HSPBAP1: variants seen among roughly 807,000 people sequenced by gnomAD.
HSPBAP1 encodes HSPB1-associated protein 1.
Under a neutral mutation model 45.2 loss-of-function variants are expected in HSPBAP1, and 27 were observed. The observed-to-expected ratio is 0.60, with a 90% CI of 0.44 to 0.82. The LOEUF (loss-of-function observed/expected upper bound fraction) is 0.82. Ranked by LOEUF, HSPBAP1 falls within the 40% of genes least tolerant of loss-of-function variation. The pLI is 0.00. For synonymous variants in HSPBAP1, 204 were observed against 202.7 expected (o/e 1.01, Z -0.06); for missense variants, 510 against 590.9 (o/e 0.86, Z 1.42).
intron 6 of HSPBAP1, among the ~76,000 whole-genome samples, chr3:122,744,476 A>C (rs1347779717): frequency 6.6e-6 from 1 of 152,268 alleles, no homozygotes; most frequent in African/African-American, 2.4e-5. Context: ...TAAAAGCAAC[A>C]TATGACAGAG....
intron 1 of HSPBAP1, among the ~76,000 whole-genome samples, chr3:122,783,916 C>T (rs1030718786): frequency 1.3e-5 from 2 of 152,026 alleles, no homozygotes; most frequent in African/African-American, 2.4e-5. Flanking sequence ...CTGCAAGCTC[C>T]GCCTCCCGGG....
intron 2 of HSPBAP1, among the ~76,000 whole-genome samples, chr3:122,773,303 GTTTTTTT>G (rs36065763): frequency 1.2e-5 from 1 of 84,424 alleles, no homozygotes; most frequent in African/African-American, 4.7e-5. Flanking sequence ...AAATAAATGT[GTTTTTTT>G]TTTTTTTTTT....
At chr3:122,747,771 C>G (rs1251895651) in intron 6 of HSPBAP1, among the ~76,000 whole-genome samples, 1 of 150,932 alleles carries the variant, frequency 6.6e-6, no homozygotes, top group South Asian at 2.1e-4. Context: ...GGGGTCAGCC[C>G]CCCGCCCGGC....
intron 2 of HSPBAP1, among the ~76,000 whole-genome samples, chr3:122,774,509 T>G (rs1172114845): frequency 6.6e-6 from 1 of 152,322 alleles, no homozygotes; most frequent in South Asian, 2.1e-4. Context: ...TGCTGGGCCT[T>G]CCACACCACA....
chr3:122,746,347 T>TA (rs1231009700), intron 6 of HSPBAP1, among the ~76,000 whole-genome samples: 1 of 147,948 alleles, frequency 6.8e-6, no homozygotes, highest in Non-Finnish European at 1.5e-5. Context: ...AAGAACACAT[T>TA]AAAAAAACAG....
intron 1 of HSPBAP1, among the ~76,000 whole-genome samples, chr3:122,789,158 A>G (rs950406078): frequency 3.3e-5 from 5 of 152,222 alleles, no homozygotes; most frequent in Admixed American, 3.3e-4. Flanking sequence ...CATGGTGAGT[A>G]CGGGTCTCCA....
intron 6 of HSPBAP1, among the ~76,000 whole-genome samples, chr3:122,747,345 G>A (rs1330379262): frequency 6.7e-6 from 1 of 150,124 alleles, no homozygotes; most frequent in African/African-American, 2.5e-5. Context: ...CTGCCCGGCC[G>A]CCCCGTCTGA....
chr3:122,743,199 A>G (rs977037842), intron 6 of HSPBAP1, among the ~76,000 whole-genome samples: 2 of 152,176 alleles, frequency 1.3e-5, no homozygotes, highest in African/African-American at 4.8e-5. Flanking sequence ...TTGTTTATCC[A>G]CTCATCAGAT....
intron 1 of HSPBAP1, among the ~76,000 whole-genome samples, chr3:122,780,453 G>A (rs1485822743): frequency 0.03 from 3,661 of 121,904 alleles, 88 homozygotes; most frequent in Middle Eastern, 0.052. Context: ...CAGTAGGGGC[G>A]GCCGGGCAGA....
intron 6 of HSPBAP1, among the ~76,000 whole-genome samples, chr3:122,749,111 C>G (rs1403350415): frequency 6.6e-6 from 1 of 151,302 alleles, no homozygotes; most frequent in Non-Finnish European, 1.5e-5. Context: ...TGTTTATATA[C>G]TTATTTACAT....
At chr3:122,781,291 G>A (rs1329957315) in intron 1 of HSPBAP1, among the ~76,000 whole-genome samples, 10 of 152,240 alleles carry the variant, frequency 6.6e-5, no homozygotes, top group Non-Finnish European at 1.0e-4. Flanking sequence ...ACGAGACTCC[G>A]CCTGCAATCC....
intron 3 of HSPBAP1, among the ~76,000 whole-genome samples, chr3:122,760,442 A>C (rs1934535249): frequency 6.6e-6 from 1 of 152,252 alleles, no homozygotes; most frequent in East Asian, 1.9e-4. Flanking sequence ...CTACAGTCTA[A>C]ATTTTCTATT....
rs532805510 is a variant in HSPBAP1, at chr3:122,768,949, T to A, written c.251-67A>T. On this transcript the variant is annotated intron_variant, in intron 2 of 7. Coordinates refer to ENST00000306103, the MANE Select transcript of HSPBAP1 (RefSeq NM_024610.6). ...CATTTCCTAATTATTGTTTTTTTTT[T>A]AAAATAAAGATAATTTCAACCAAAA... The A allele has an allele frequency of 5.4e-4, 591 of 1,096,526 alleles. 1 individual carries two copies. The highest frequency in any genetic ancestry group is 7.2e-4 in the Admixed American group (27 of 37,596). 67.9% of individuals were successfully genotyped at this position (1,096,526 alleles called of 1,614,324 possible).
intron 2 of HSPBAP1, among the ~76,000 whole-genome samples, chr3:122,775,446 C>T (rs1301566838): frequency 6.6e-6 from 1 of 152,126 alleles, no homozygotes; most frequent in Non-Finnish European, 1.5e-5. Flanking sequence ...AATAATACTT[C>T]CCATACACTA....
intron 3 of HSPBAP1, among the ~76,000 whole-genome samples, chr3:122,763,168 T>C (rs953234632): frequency 6.6e-6 from 1 of 152,198 alleles, no homozygotes; most frequent in Non-Finnish European, 1.5e-5. Context: ...CTTTGATTAG[T>C]GTTAGCATGA....
intron 3 of HSPBAP1, among the ~76,000 whole-genome samples, chr3:122,764,583 T>G (rs1934710712): frequency 6.6e-6 from 1 of 152,214 alleles, no homozygotes; most frequent in African/African-American, 2.4e-5. Context: ...AAAAGTATGA[T>G]TTTGACACTT....
rs368018081 is a variant in HSPBAP1 at position 122,745,459 on chromosome 3, G to A, written c.826-4346C>T. ...TCGCTTTCCACAGTTTCAGTTACCC[G>A]TGGGCAATCTCAGTCAGAAAATATT... On this transcript the variant is annotated intron_variant, in intron 6 of 7. Coordinates refer to ENST00000306103, the MANE Select transcript of HSPBAP1 (RefSeq NM_024610.6). 2.3e-4 allele frequency among the ~76,000 whole-genome samples: 35 copies of A among 152,244 alleles called. 2 individuals are homozygous for A. Among genetic ancestry groups the A allele is most frequent in the Admixed American group, 1.0e-3 (16 of 15,286 alleles).
chr3:122,774,830 T>C (rs17212608), intron 2 of HSPBAP1, among the ~76,000 whole-genome samples: 13,149 of 152,184 alleles, frequency 0.086, 717 homozygotes, highest in Middle Eastern at 0.18. Flanking sequence ...ATCAGAATGA[T>C]TCAGAAGTTC....
intron 3 of HSPBAP1, among the ~76,000 whole-genome samples, chr3:122,763,335 A>G (rs1338998365): frequency 6.6e-6 from 1 of 152,180 alleles, no homozygotes; most frequent in African/African-American, 2.4e-5. Flanking sequence ...ACATGATCAA[A>G]ATGTCTGTCA....
Sources: allele counts gnomAD v4.1 joint callset (sites outside exome capture counted in the v4.1 genomes callset), GRCh38; gene constraint gnomAD v4.1.1; transcripts MANE v1.5; gene names NCBI Gene and HGNC (gene_info 2026-07-23, HGNC 2026-07-21).